The following CDCP1 variants were observed in gnomAD, a reference collection of about 807,000 sequenced individuals.
CDCP1 encodes the protein CUB domain-containing protein 1.
Under a neutral mutation model 60.2 loss-of-function variants are expected in CDCP1, and 29 were observed. That is an observed-to-expected ratio of 0.48 (90% CI 0.36 to 0.66). The LOEUF (loss-of-function observed/expected upper bound fraction) is 0.66, where lower values mean the gene tolerates loss of function less well. Among genes scored for constraint, CDCP1 ranks in the 30% least tolerant of loss-of-function variants. The probability of loss-of-function intolerance (pLI) is 0.00; values close to 1 mark genes in which losing one functional copy is unlikely to be tolerated. For missense variants in CDCP1, 876 were observed against 1,074.3 expected, an observed-to-expected ratio of 0.82 and a Z score of 2.58; for synonymous variants, 387 against 431.1, an observed-to-expected ratio of 0.90 and a Z score of 1.27.
intron 1 of CDCP1, among the ~76,000 whole-genome samples, chr3:45,138,135 A>G (rs1699220940): frequency 6.6e-6 from 1 of 152,194 alleles, no homozygotes; most frequent in East Asian, 1.9e-4. Flanking sequence ...TTGTTATAAA[A>G]CTGGTCCAGT....
intron 1 of CDCP1, among the ~76,000 whole-genome samples, chr3:45,126,178 CTT>C (rs1698993719): frequency 4.0e-5 from 5 of 124,686 alleles, no homozygotes; most frequent in African/African-American, 1.3e-4. Flanking sequence ...TTCTTTCCTT[CTT>C]TCTCTCTCTC....
intron 1 of CDCP1, among the ~76,000 whole-genome samples, chr3:45,122,810 T>C (rs908953102): frequency 2.0e-5 from 3 of 152,220 alleles, no homozygotes; most frequent in African/African-American, 7.2e-5. Flanking sequence ...ACAAACATTT[T>C]CTGGGTTCAT....
intron 1 of CDCP1, among the ~76,000 whole-genome samples, chr3:45,127,000 C>T (rs1261282104): frequency 2.0e-5 from 3 of 152,276 alleles, no homozygotes; most frequent in East Asian, 1.9e-4. Context: ...GAGCTAGCCC[C>T]GCCCGAAGAA....
chr3:45,112,494 C>T (rs1337794827), intron 2 of CDCP1, 49 bp from the exon 3 acceptor site: 1 of 1,576,192 alleles, frequency 6.3e-7, no homozygotes, highest in Admixed American at 1.7e-5. Context: ...CTCCAAGGCC[C>T]CACACCACTC....
intron 1 of CDCP1, among the ~76,000 whole-genome samples, chr3:45,133,066 C>T (rs1699125566): frequency 1.3e-5 from 2 of 152,150 alleles, no homozygotes; most frequent in Non-Finnish European, 2.9e-5. Flanking sequence ...AGGAATTCAA[C>T]ATAAGGGAGA....
chr3:45,112,167 C>G lies in CDCP1; in HGVS notation c.571G>C (p.Gly191Arg), dbSNP rs1698705308. 1 of 1,614,152 alleles carries G rather than the reference C, an allele frequency of 6.2e-7. No homozygotes were observed. Among genetic ancestry groups the G allele is most frequent in the African/African-American group, 1.3e-5 (1 of 75,022 alleles). Reference sequence around the variant, plus strand: ...GGGAGGTGTAAGGCCATTTTCACTCCTTCTTGCATCTTGATCCGGGACACA... The same window carrying G: ...GGGAGGTGTAAGGCCATTTTCACTCGTTCTTGCATCTTGATCCGGGACACA... ...GTVSRIKMQE[G>R]VKMALHLPWF... Residue 191 changes from glycine to arginine, a missense_variant, in exon 3 of 9, where the codon GGA becomes CGA. Physicochemically the swap from Gly to Arg is moderately radical, Grantham distance 125. Transcript: ENST00000296129.
chr3:45,123,968 T>C (rs1477807408), intron 1 of CDCP1, among the ~76,000 whole-genome samples: 1 of 152,168 alleles, frequency 6.6e-6, no homozygotes. Context: ...AGGCACAGGC[T>C]TGGGCTCCTG....
In CDCP1 at chr3:45,095,569, C is replaced by T. The variant is rs1178308831; in HGVS notation, c.1025-1G>A. 6.2e-7 allele frequency: 1 copy of T among 1,613,294 alleles called. No individual in the cohort carries two copies. Among genetic ancestry groups the T allele is most frequent in the Non-Finnish European group, 8.5e-7 (1 of 1,179,490 alleles). On this transcript the variant is annotated splice_acceptor_variant, in intron 4 of 8. Coordinates refer to ENST00000296129, the MANE Select transcript of CDCP1 (RefSeq NM_022842.5). LOFTEE classifies it high-confidence loss of function. ...CTCAAGTCAACCACGTAGATTTTAT[C>T]TGAAACCACAAACAGAAAACAGGCA...
chr3:45,093,669 G>A lies in CDCP1; in HGVS notation c.1247-12C>T. On this transcript the variant is annotated splice_polypyrimidine_tract_variant and intron_variant, in intron 5 of 8. Transcript: ENST00000296129. Reference sequence around the variant, plus strand: ...GTGGTCTGTGCAGCCTGGAAGAAGTGGGGCATGCTAGCCATGCACAAAGGA... The same window carrying A: ...GTGGTCTGTGCAGCCTGGAAGAAGTAGGGCATGCTAGCCATGCACAAAGGA... The A allele has an allele frequency of 6.3e-7, 1 of 1,599,536 alleles. No homozygotes were observed. The highest frequency in any genetic ancestry group is 8.5e-7 in the Non-Finnish European group (1 of 1,170,456).
intron 1 of CDCP1, among the ~76,000 whole-genome samples, chr3:45,125,402 C>T (rs149842537): frequency 1.1e-3 from 171 of 152,274 alleles, no homozygotes; most frequent in African/African-American, 4.0e-3. Context: ...CCGGCACTAC[C>T]ACTCACCCAG....
At chr3:45,145,710 G>A (rs1699370804) in intron 1 of CDCP1, among the ~76,000 whole-genome samples, 1 of 152,286 alleles carries the variant, frequency 6.6e-6, no homozygotes, top group Non-Finnish European at 1.5e-5. Flanking sequence ...AAATGCGGAC[G>A]TGAAAGCACT....
chr3:45,095,249 A>G, intron 5 of CDCP1, 98 bp downstream of exon 5: 1 of 1,118,508 alleles, frequency 8.9e-7, no homozygotes, highest in Non-Finnish European at 1.3e-6. Context: ...GGCCTTTTTG[A>G]TATGATTTAC....
At chr3:45,120,250 C>T (rs569678474) in intron 1 of CDCP1, among the ~76,000 whole-genome samples, 6 of 148,576 alleles carry the variant, frequency 4.0e-5, no homozygotes, top group African/African-American at 1.3e-4. Flanking sequence ...ATTTGGATTT[C>T]TGTCACCCTT....
At chr3:45,141,385 G>A (rs1699287825) in intron 1 of CDCP1, among the ~76,000 whole-genome samples, 1 of 152,204 alleles carries the variant, frequency 6.6e-6, no homozygotes, top group African/African-American at 2.4e-5. Flanking sequence ...ATTATACACA[G>A]GTATCTTCCT....
Position 45,112,192 on chromosome 3 carries a change from A to C in CDCP1, c.546T>G (p.Thr182=). ...CTTCTTGCATCTTGATCCGGGACAC[A>C]GTGCCATTGCTGCAGAAGGTTCCGA... The part of the protein sequence containing the change: ...VRIGTFCSNG[T]VSRIKMQEGV... Residue 182 remains threonine, a synonymous_variant, in exon 3 of 9, where the codon ACT becomes ACG. Coordinates refer to ENST00000296129, the MANE Select transcript of CDCP1 (RefSeq NM_022842.5). 1 of 1,614,184 alleles carries C rather than the reference A, an allele frequency of 6.2e-7. No individual in the cohort carries two copies. Among genetic ancestry groups the C allele is most frequent in the Non-Finnish European group, 8.5e-7 (1 of 1,180,026 alleles).
chr3:45,116,022 GA>G (rs1234791926), intron 2 of CDCP1, among the ~76,000 whole-genome samples: 1 of 152,030 alleles, frequency 6.6e-6, no homozygotes, highest in Admixed American at 6.6e-5. Flanking sequence ...TTTAATTAGA[GA>G]TTCTGAATAA....
chr3:45,117,117 T>G (rs1322068142), intron 2 of CDCP1, among the ~76,000 whole-genome samples: 1 of 152,216 alleles, frequency 6.6e-6, no homozygotes, highest in African/African-American at 2.4e-5. Context: ...CCTTTTACTT[T>G]TGAATTCCTT....
intron 4 of CDCP1, among the ~76,000 whole-genome samples, chr3:45,101,009 G>T (rs1698477449): frequency 6.6e-6 from 1 of 152,324 alleles, no homozygotes; most frequent in African/African-American, 2.4e-5. Context: ...CATATTCATT[G>T]TGAGTTGGCT....
At chr3:45,141,594 C>T (rs953175206) in intron 1 of CDCP1, among the ~76,000 whole-genome samples, 8 of 152,158 alleles carry the variant, frequency 5.3e-5, no homozygotes, top group Non-Finnish European at 1.2e-4. Context: ...GTGGCTGGCA[C>T]AGCAAATGTG....
Sources: allele counts gnomAD v4.1 joint callset (sites outside exome capture counted in the v4.1 genomes callset), GRCh38; gene constraint gnomAD v4.1.1; transcripts MANE v1.5; gene names NCBI Gene and HGNC (gene_info 2026-07-23, HGNC 2026-07-21).